CDK13: variants seen among roughly 807,000 people sequenced by gnomAD.
CDK13 encodes cyclin dependent kinase 13.
CDK13 carries 40 observed loss-of-function variants against 137.6 expected under a neutral mutation model. The observed-to-expected ratio is 0.29, with a 90% CI of 0.23 to 0.38. The LOEUF is 0.38. Among genes scored for constraint, CDK13 ranks in the 10% least tolerant of loss-of-function variants. The pLI, the probability that CDK13 is intolerant of heterozygous loss-of-function variation, is 1.00. For synonymous variants in CDK13, 869 were observed against 760.1 expected, an observed-to-expected ratio of 1.14 and a Z score of -2.36; for missense variants, 1,704 against 1,951.8, an observed-to-expected ratio of 0.87 and a Z score of 2.39.
intron 1 of CDK13, 149 bp downstream of exon 1, chr7:39,952,001 G>C (rs746984709): frequency 2.5e-6 from 2 of 807,598 alleles, no homozygotes; most frequent in Non-Finnish European, 3.3e-6. Context: ...AAGGATAGGC[G>C]TTTTCGCGCG....
chr7:39,950,446 A>G lies in CDK13; in HGVS notation c.-196A>G, dbSNP rs989913854. On this transcript the variant is annotated 5_prime_UTR_variant, in exon 1 of 14. Transcript: ENST00000181839. ...GGATTCCTGCTTCCCTGGGGCCCGG[A>G]GGCTGCTGCGTACCCCACTGTGACC... The G allele has an allele frequency of 8.1e-7, 1 of 1,235,380 alleles. No homozygotes were observed. The highest frequency in any genetic ancestry group is 1.6e-5 in the African/African-American group (1 of 64,230). 76.5% of individuals were successfully genotyped at this position (1,235,380 alleles called of 1,614,324 possible). A position where few individuals can be genotyped will look rare whatever the true frequency, so the allele number is the denominator to read the frequency against.
intron 1 of CDK13, among the ~76,000 whole-genome samples, chr7:39,962,484 T>G (rs1287620877): frequency 6.6e-6 from 1 of 152,202 alleles, no homozygotes; most frequent in Non-Finnish European, 1.5e-5. Flanking sequence ...GATGGGGTTG[T>G]TTTTTTCTTG....
At chr7:40,021,110 TATATATATATATAC>T (rs1562733111) in intron 5 of CDK13, among the ~76,000 whole-genome samples, 2 of 81,948 alleles carry the variant, frequency 2.4e-5, no homozygotes, top group East Asian at 4.1e-4. Flanking sequence ...AACGTATATA[TATATATATATATAC>T]ACACACACAC....
intron 5 of CDK13, among the ~76,000 whole-genome samples, chr7:40,040,697 A>T (rs1299384786): frequency 1.3e-5 from 2 of 152,136 alleles, no homozygotes; most frequent in Admixed American, 1.3e-4. Context: ...CACATTTCTT[A>T]TGTGAGCTTT....
chr7:39,975,065 G>C (rs899269330), intron 1 of CDK13, among the ~76,000 whole-genome samples: 1 of 151,618 alleles, frequency 6.6e-6, no homozygotes, highest in Admixed American at 6.6e-5. Context: ...AGTCATTGCA[G>C]AAGTCAGGAA....
At chr7:39,957,980 C>G (rs1363872489) in intron 1 of CDK13, among the ~76,000 whole-genome samples, 1 of 151,938 alleles carries the variant, frequency 6.6e-6, no homozygotes. Flanking sequence ...AATTTATAAG[C>G]TTTGAAGTGG....
chr7:39,976,323 T>TCTCTCTCTCTCTCTCTCTCTCTCTCACA, intron 1 of CDK13, among the ~76,000 whole-genome samples: 7 of 39,568 alleles, frequency 1.8e-4, no homozygotes, highest in East Asian at 1.4e-3. Flanking sequence ...TCTCTCTCTC[T>TCTCTCTCTCTCTCTCTCTCTCTCTCACA]CACACACACA....
Position 39,999,470 on chromosome 7 carries a change from C to G in CDK13, c.2152C>G (p.Gln718Glu), listed in dbSNP as rs1342399394. ...AATTATTGGAGAAGGTACTTACGGA[C>G]AAGTTTACAAAGCCAGGGATAAAGA... Reference protein sequence around the residue: ...IGIIGEGTYGQVYKARDKDTG... With the variant: ...IGIIGEGTYGEVYKARDKDTG... Residue 718 changes from glutamine (Q) to glutamate (E), a missense_variant, in exon 4 of 14, where the codon CAA (glutamine) becomes GAA (glutamate). Around this residue, in one of 5 missense-constraint regions of CDK13, gnomAD observed 130 missense variants for 362.4 expected, o/e 0.36. Transcript: ENST00000181839. 6.2e-7 allele frequency: 1 copy of G among 1,610,876 alleles called. No homozygotes were observed. The highest frequency in any genetic ancestry group is 8.5e-7 in the Non-Finnish European group (1 of 1,178,198).
At chr7:40,066,329 T>C (rs1363574685) in intron 9 of CDK13, among the ~76,000 whole-genome samples, 3 of 152,258 alleles carry the variant, frequency 2.0e-5, no homozygotes, top group Admixed American at 1.3e-4. Context: ...AGCTTTCTTA[T>C]TCAGTCTTCT....
At position 39,999,092 on chromosome 7, in the gene CDK13, A is replaced by C. The variant is rs1784625641; in HGVS notation, c.2043-269A>C. On this transcript the variant is annotated intron_variant, in intron 3 of 13. Transcript: ENST00000181839. Reference sequence around the variant, plus strand: ...TGAAAAATTATATTTTATTTCTGAAAAGCCTTCATACAAGCTCTACTACTT... The same window carrying C: ...TGAAAAATTATATTTTATTTCTGAACAGCCTTCATACAAGCTCTACTACTT... The C allele has an allele frequency of 1.2e-5, 3 of 254,424 alleles. No individual in the cohort carries two copies. The East Asian group carries it at 2.1e-4, about 18-fold the overall frequency. The allele number at this position is 254,424 out of a possible 1,614,324, so 15.8% of individuals were successfully genotyped here. A position where few individuals can be genotyped will look rare whatever the true frequency, so the allele number is the denominator to read the frequency against.
intron 1 of CDK13, among the ~76,000 whole-genome samples, chr7:39,958,972 G>A (rs1224674814): frequency 6.6e-6 from 1 of 152,010 alleles, no homozygotes; most frequent in Non-Finnish European, 1.5e-5. Context: ...TGTATTTTTA[G>A]TAGAGATGGG....
rs560275528 is a variant in CDK13, at chr7:39,965,196, G to A, written c.1211+13344G>A. 5.9e-5 allele frequency among the ~76,000 whole-genome samples: 9 copies of A among 152,226 alleles called. No homozygotes were observed. The South Asian group carries it at 1.9e-3, about 32-fold the overall frequency. On this transcript the variant is annotated intron_variant, in intron 1 of 13. Transcript: ENST00000181839. ...GATATCCTTGTTAACTTTCTGTCTC[G>A]TTGATCTGTCTAATGTTGACAGTGG...
chr7:39,964,151 G>A (rs1082029), intron 1 of CDK13, among the ~76,000 whole-genome samples: 151,183 of 152,278 alleles, frequency 0.99, 75,056 homozygotes, highest in East Asian at 1. Context: ...GTTAGGGAGG[G>A]TTCCCTCTTT....
intron 5 of CDK13, among the ~76,000 whole-genome samples, chr7:40,008,555 C>T (rs1414121174): frequency 6.6e-6 from 1 of 152,170 alleles, no homozygotes; most frequent in African/African-American, 2.4e-5. Flanking sequence ...GTTGGAATTT[C>T]AGTTGAAGGT....
At chr7:40,003,225 C>T (rs1784731521) in intron 5 of CDK13, among the ~76,000 whole-genome samples, 1 of 147,548 alleles carries the variant, frequency 6.8e-6, no homozygotes, top group Non-Finnish European at 1.5e-5. Flanking sequence ...CTCTCTCTCT[C>T]TTACTCTGTT....
intron 5 of CDK13, among the ~76,000 whole-genome samples, chr7:40,007,828 C>T (rs1233541107): frequency 6.6e-6 from 1 of 152,088 alleles, no homozygotes; most frequent in Non-Finnish European, 1.5e-5. Context: ...TCATTGTGTG[C>T]AGCACACAGT....
At position 39,988,205 on chromosome 7, in the gene CDK13, A is replaced by G. The variant is rs769104776; in HGVS notation, c.1818A>G (p.Thr606=). Reference sequence around the variant, plus strand: ...AACATGTAGCTTTAGTCACCTCTACATTACCACCGTTACCTTTGCCTCCCA... The same window carrying G: ...AACATGTAGCTTTAGTCACCTCTACGTTACCACCGTTACCTTTGCCTCCCA... The part of the protein sequence containing the change: ...KEQHVALVTS[T]LPPLPLPPML... Residue 606 remains threonine, a synonymous_variant, in exon 2 of 14, where the codon ACA becomes ACG. Coordinates refer to ENST00000181839, the MANE Select transcript of CDK13 (RefSeq NM_003718.5). 14 of 1,613,608 alleles carry G rather than the reference A, an allele frequency of 8.7e-6. No individual in the cohort carries two copies. The highest frequency in any genetic ancestry group is 2.2e-5 in the East Asian group (1 of 44,896).
At position 39,951,469 on chromosome 7, in the gene CDK13, G is replaced by A. The variant is rs1197008713; in HGVS notation, c.828G>A (p.Ser276=). ...SSSSSRKDRD[S]KAHRSRTKSS... ...GTAGCAGCCGCAAGGACCGGGACTC[G>A]AAGGCCCACCGCAGCCGGACTAAGT... Residue 276 remains serine (S), a synonymous_variant, in exon 1 of 14, where the codon TCG becomes TCA. Coordinates refer to ENST00000181839, the MANE Select transcript of CDK13 (RefSeq NM_003718.5). 1 of 1,538,502 alleles carries A rather than the reference G, an allele frequency of 6.5e-7. No homozygotes were observed. The highest frequency in any genetic ancestry group is 1.4e-5 in the African/African-American group (1 of 71,574).
intron 5 of CDK13, among the ~76,000 whole-genome samples, chr7:40,040,297 T>A (rs926301370): frequency 2.6e-5 from 4 of 152,230 alleles, no homozygotes; most frequent in African/African-American, 9.6e-5. Context: ...AAAAAGTCCA[T>A]CTTTTCCACA....
Sources: gnomAD v4.1 joint callset for allele counts (sites outside exome capture counted in the v4.1 genomes callset) on GRCh38, gnomAD v4.1.1 for gene constraint, gnomAD v4.1.1 regional missense constraint, MANE v1.5 for transcripts, NCBI Gene and HGNC (gene_info 2026-07-23, HGNC 2026-07-21) for gene names.